The following UTY variants were observed in gnomAD, a reference collection of about 807,000 sequenced individuals.
The protein encoded by UTY is histone demethylase UTY.
Under a neutral mutation model 32.5 loss-of-function variants are expected in UTY, and 12 were observed. That is an observed-to-expected ratio of 0.37 (90% CI 0.24 to 0.60). UTY has a LOEUF of 0.60. Among genes scored for constraint, UTY ranks in the 20% least tolerant of loss-of-function variants. The probability of loss-of-function intolerance (pLI) is 0.69; values close to 1 mark genes in which losing one functional copy is unlikely to be tolerated. For missense variants in UTY, 303 were observed against 299.2 expected (o/e 1.01, Z -0.09); for synonymous variants, 131 against 103.4 (o/e 1.27, Z -1.62).
intron 27 of UTY, among the ~76,000 whole-genome samples, chrY:13,277,384 C>G: frequency 6.0e-5 from 2 of 33,367 alleles, no homozygotes; most frequent in African/African-American, 2.3e-4. Flanking sequence ...GCAGGAACAC[C>G]AAACTGATCA....
At chrY:13,247,013 A>G (rs2053957665), downstream of UTY, among the ~76,000 whole-genome samples, 9 of 32,498 alleles carry the variant, frequency 2.8e-4, no homozygotes, top group Admixed American at 1.7e-3. Context: ...AATTGCTGAG[A>G]AAAAGGATAT....
chrY:13,333,209 C>G, intron 18 of UTY, among the ~76,000 whole-genome samples: 1 of 32,884 alleles, frequency 3.0e-5, no homozygotes, highest in Non-Finnish European at 7.5e-5. Context: ...CTTTCTTCAC[C>G]AAATTAGATA....
At chrY:13,295,672 T>C in intron 27 of UTY, among the ~76,000 whole-genome samples, 1 of 33,874 alleles carries the variant, frequency 3.0e-5, no homozygotes, top group Non-Finnish European at 7.3e-5. Flanking sequence ...ACTTCCAAGA[T>C]ATAATTGAAC....
intron 3 of UTY, among the ~76,000 whole-genome samples, chrY:13,462,264 T>C (rs567345358): frequency 0.021 from 703 of 33,180 alleles, no homozygotes; most frequent in Middle Eastern, 0.041. Context: ...CACAAAGCAA[T>C]AATTTATCTT....
At chrY:13,478,934 AT>A (rs2079408266) in intron 2 of UTY, 1 of 59,423 alleles carries the variant, frequency 1.7e-5, no homozygotes, top group Non-Finnish European at 3.3e-5. Flanking sequence ...GCAGGAAGTT[AT>A]GAATTTTGAA....
intron 3 of UTY, among the ~76,000 whole-genome samples, chrY:13,454,665 T>C: frequency 1.6e-4 from 5 of 32,143 alleles, no homozygotes; most frequent in Non-Finnish European, 3.8e-4. Context: ...AGGCAGGGCA[T>C]GGTGGTTAAC....
chrY:13,245,713 T>TTC (rs2053940542), downstream of UTY, among the ~76,000 whole-genome samples: 3 of 34,140 alleles, frequency 8.8e-5, no homozygotes, highest in African/African-American at 3.4e-4. Flanking sequence ...AAATGCAGCA[T>TTC]TGAAACAAAT....
intron 5 of UTY, among the ~76,000 whole-genome samples, chrY:13,414,462 A>C: frequency 2.9e-5 from 1 of 34,174 alleles, no homozygotes; most frequent in Admixed American, 2.6e-4. Context: ...ATATTTAAGA[A>C]TTTGTAATAA....
At chrY:13,246,617 C>G, downstream of UTY, among the ~76,000 whole-genome samples, 1 of 31,825 alleles carries the variant, frequency 3.1e-5, no homozygotes, top group African/African-American at 1.2e-4. Flanking sequence ...GGTGCAGTGG[C>G]TCACACCTAT....
intron 6 of UTY, among the ~76,000 whole-genome samples, chrY:13,397,960 T>C (rs2068439075): frequency 3.0e-5 from 1 of 32,847 alleles, no homozygotes; most frequent in Non-Finnish European, 7.6e-5. Flanking sequence ...TAATCAACCA[T>C]GATACCAACA....
chrY:13,237,727 C>T, intron 28 of UTY, among the ~76,000 whole-genome samples: 1 of 33,471 alleles, frequency 3.0e-5, no homozygotes, highest in East Asian at 7.9e-4. Flanking sequence ...ATCTTTGAAG[C>T]CCACAGGAAT....
At chrY:13,275,296 G>C in intron 27 of UTY, among the ~76,000 whole-genome samples, 1 of 33,459 alleles carries the variant, frequency 3.0e-5, no homozygotes, top group African/African-American at 1.2e-4. Context: ...TTAAAACGAG[G>C]TTAGTCAATC....
intron 18 of UTY, among the ~76,000 whole-genome samples, chrY:13,330,944 A>G (rs2060645444): frequency 3.0e-5 from 1 of 33,296 alleles, no homozygotes; most frequent in Non-Finnish European, 7.4e-5. Flanking sequence ...ACTGCCTCTC[A>G]AGATTCCTCC....
rs748893058 is a variant in UTY at position 13,359,837 on chromosome Y, T to A, written c.1115A>T (p.Tyr372Phe). ...CNQPQDAIKC[Y>F]LNAARSKRCS... ...ACGTTTGCTTCTAGCTGCATTTAGG[T>A]AGCATTTAATGGCATCTTGAGGTTG... The change falls in exon 12 of 30, where the codon TAC becomes TTC. Residue 372 changes from tyrosine (Y) to phenylalanine (F), a missense_variant. By Grantham distance (22) the Tyr-to-Phe change is conservative. Transcript: ENST00000545955. 2 of 398,423 alleles carry A rather than the reference T, an allele frequency of 5.0e-6. No homozygotes were observed. Among genetic ancestry groups the A allele is most frequent in the South Asian group, 3.0e-5 (1 of 33,760 alleles).
chrY:13,271,756 A>AG, intron 27 of UTY, among the ~76,000 whole-genome samples: 1 of 34,091 alleles, frequency 2.9e-5, no homozygotes, highest in Non-Finnish European at 7.3e-5. Flanking sequence ...AGGAAATTAA[A>AG]TTTGCAGATG....
intron 18 of UTY, among the ~76,000 whole-genome samples, chrY:13,333,195 T>C (rs2149024044): frequency 3.0e-5 from 1 of 33,109 alleles, no homozygotes; most frequent in African/African-American, 1.2e-4. Flanking sequence ...AAAGCTACCA[T>C]TGACTTTCTT....
At chrY:13,324,897 T>C (rs751920257) in intron 19 of UTY, among the ~76,000 whole-genome samples, 191 bp from the exon 20 acceptor site, 1 of 33,382 alleles carries the variant, frequency 3.0e-5, no homozygotes, top group Admixed American at 2.8e-4. Context: ...TATTGTATCA[T>C]TTGTCTTGTC....
chrY:13,339,921 T>C, intron 17 of UTY, among the ~76,000 whole-genome samples: 1 of 32,532 alleles, frequency 3.1e-5, no homozygotes, highest in Non-Finnish European at 7.5e-5. Flanking sequence ...AGTGGGGAAG[T>C]GGGAGGAAAA....
At chrY:13,305,946 T>C in intron 23 of UTY, 92 bp downstream of exon 23, 1 of 253,084 alleles carries the variant, frequency 4.0e-6, no homozygotes, top group African/African-American at 8.0e-5. Context: ...TAATTAGGAA[T>C]AGAAAAAAAA....
Sources: gnomAD v4.1 joint callset for allele counts (sites outside exome capture counted in the v4.1 genomes callset) on GRCh38, gnomAD v4.1.1 for gene constraint, MANE v1.5 for transcripts, NCBI Gene and HGNC (gene_info 2026-07-23, HGNC 2026-07-21) for gene names.